PCSK5: variants seen among roughly 807,000 people sequenced by gnomAD.
PCSK5 encodes prohormone convertase 5.
In PCSK5, 129 loss-of-function variants were observed where a neutral mutation model predicts 233.2. The ratio of observed to expected loss-of-function variants is 0.55; its 90% confidence interval spans 0.48 to 0.64. The LOEUF is 0.64. PCSK5 is among the 30% of genes least tolerant of loss of function. The probability of loss-of-function intolerance (pLI) is 0.00; values close to 1 mark genes in which losing one functional copy is unlikely to be tolerated. For synonymous variants in PCSK5, 825 were observed against 879.2 expected (o/e 0.94, Z 1.09); for missense variants, 2,076 against 2,430.1 (o/e 0.85, Z 3.06).
intron 20 of PCSK5, among the ~76,000 whole-genome samples, chr9:76,215,717 G>A (rs1019241883): frequency 6.6e-6 from 1 of 152,076 alleles, no homozygotes; most frequent in African/African-American, 2.4e-5. Flanking sequence ...TCTCTGTAAG[G>A]ATCACCTGGG....
chr9:76,100,738 G>C (rs1453343287), intron 8 of PCSK5, among the ~76,000 whole-genome samples: 1 of 152,108 alleles, frequency 6.6e-6, no homozygotes, highest in African/African-American at 2.4e-5. Flanking sequence ...TCACTATTTA[G>C]TCTCCTCATT....
At chr9:76,280,879 C>T (rs916216006) in intron 24 of PCSK5, among the ~76,000 whole-genome samples, 1 of 151,458 alleles carries the variant, frequency 6.6e-6, no homozygotes, top group African/African-American at 2.4e-5. Flanking sequence ...AAAAGAGAAA[C>T]AGCCTTAGTG....
intron 3 of PCSK5, 126 bp from the exon 4 acceptor site, chr9:76,023,612 C>A: frequency 1.3e-6 from 1 of 778,810 alleles, no homozygotes; most frequent in Non-Finnish European, 2.0e-6. Context: ...TTACAGTAAG[C>A]TCATCACACT....
intron 1 of PCSK5, among the ~76,000 whole-genome samples, chr9:75,929,701 T>C (rs1369267147): frequency 6.6e-6 from 1 of 151,940 alleles, no homozygotes; most frequent in Non-Finnish European, 1.5e-5. Flanking sequence ...GACTGGACAA[T>C]TTACAAAGGA....
intron 2 of PCSK5, among the ~76,000 whole-genome samples, chr9:75,950,173 C>T (rs1824788632): frequency 1.3e-5 from 2 of 148,842 alleles, no homozygotes; most frequent in Admixed American, 1.3e-4. Context: ...GGAACTGCTA[C>T]AGCTAACCTC....
chr9:75,940,885 C>T (rs529612583), intron 2 of PCSK5, among the ~76,000 whole-genome samples: 36 of 152,260 alleles, frequency 2.4e-4, no homozygotes, highest in East Asian at 5.8e-4. Flanking sequence ...TACATATAGC[C>T]GATCTACTAG....
At chr9:76,040,298 G>A (rs1442505438) in intron 5 of PCSK5, among the ~76,000 whole-genome samples, 2 of 142,328 alleles carry the variant, frequency 1.4e-5, no homozygotes, top group Non-Finnish European at 3.0e-5. Flanking sequence ...AGCCAAGTAA[G>A]GTCTCACTCC....
intron 20 of PCSK5, among the ~76,000 whole-genome samples, chr9:76,207,663 G>A (rs1224966994): frequency 1.3e-5 from 2 of 152,138 alleles, no homozygotes; most frequent in Non-Finnish European, 2.9e-5. Context: ...GTGTTAACAC[G>A]TGTTATGAAA....
intron 2 of PCSK5, among the ~76,000 whole-genome samples, chr9:75,966,400 C>G (rs1437137523): frequency 1.3e-5 from 2 of 152,182 alleles, no homozygotes; most frequent in African/African-American, 4.8e-5. Flanking sequence ...TGGTTGTCAG[C>G]TGAAGTGTCT....
At chr9:75,995,300 C>A (rs1361025535) in intron 3 of PCSK5, among the ~76,000 whole-genome samples, 1 of 152,074 alleles carries the variant, frequency 6.6e-6, no homozygotes, top group African/African-American at 2.4e-5. Context: ...ATCATGGAAA[C>A]CTTAGTGACT....
chr9:75,947,179 A>G (rs192820964), intron 2 of PCSK5, among the ~76,000 whole-genome samples: 7 of 152,220 alleles, frequency 4.6e-5, no homozygotes, highest in Admixed American at 4.6e-4. Flanking sequence ...ATAGCAAAAC[A>G]TTGTACTTAA....
chr9:76,096,607 T>C (rs1831524433), intron 8 of PCSK5, among the ~76,000 whole-genome samples: 1 of 152,094 alleles, frequency 6.6e-6, no homozygotes, highest in East Asian at 1.9e-4. Context: ...GTTTCTTTTT[T>C]TTTTTTTTTC....
chr9:76,172,911 C>T (rs936271435), intron 13 of PCSK5, among the ~76,000 whole-genome samples: 2 of 152,144 alleles, frequency 1.3e-5, no homozygotes, highest in Non-Finnish European at 2.9e-5. Context: ...ACCGATTGTA[C>T]TGGTCCAATG....
chr9:76,132,347 A>G (rs543247111), intron 9 of PCSK5, among the ~76,000 whole-genome samples: 77 of 152,200 alleles, frequency 5.1e-4, no homozygotes, highest in African/African-American at 1.8e-3. Context: ...TTGATTCCTA[A>G]CAAGTGCTGT....
intron 10 of PCSK5, among the ~76,000 whole-genome samples, chr9:76,155,507 A>G (rs552241780): frequency 2.0e-5 from 3 of 152,292 alleles, no homozygotes; most frequent in South Asian, 2.1e-4. Context: ...GTAAAAAGAC[A>G]TATGCTGACA....
At chr9:76,205,653 T>C (rs1287729842) in intron 20 of PCSK5, among the ~76,000 whole-genome samples, 1 of 152,236 alleles carries the variant, frequency 6.6e-6, no homozygotes, top group African/African-American at 2.4e-5. Flanking sequence ...TTTAAACCTG[T>C]AGCTTAATCA....
chr9:75,906,264 C>T (rs998772566), intron 1 of PCSK5, among the ~76,000 whole-genome samples: 7 of 152,048 alleles, frequency 4.6e-5, no homozygotes, highest in African/African-American at 1.2e-4. Context: ...CTCCCACTGT[C>T]GCCTAGGCTG....
intron 14 of PCSK5, among the ~76,000 whole-genome samples, chr9:76,178,553 CA>C (rs1331189940): frequency 6.6e-6 from 1 of 152,180 alleles, no homozygotes; most frequent in African/African-American, 2.4e-5. Context: ...CGAGTTCTAA[CA>C]TTTTTTTATG....
chr9:76,133,625 C>A (rs1293628586), intron 9 of PCSK5, among the ~76,000 whole-genome samples: 3 of 151,986 alleles, frequency 2.0e-5, no homozygotes. Context: ...CCATATCCCA[C>A]ATATATATGC....
Sources: allele counts gnomAD v4.1 joint callset (sites outside exome capture counted in the v4.1 genomes callset), GRCh38; gene constraint gnomAD v4.1.1; transcripts MANE v1.5; gene names NCBI Gene and HGNC (gene_info 2026-07-23, HGNC 2026-07-21).